MS4A5: variants seen among roughly 807,000 people sequenced by gnomAD.
The protein encoded by MS4A5 is membrane-spanning 4-domains subfamily A member 5.
In MS4A5, 15 loss-of-function variants were observed where a neutral mutation model predicts 18.2. The observed-to-expected ratio is 0.83, with a 90% CI of 0.55 to 1.27. MS4A5 has a LOEUF of 1.27. MS4A5 is among the 50% of genes most tolerant of loss of function. The pLI is 0.00. For synonymous variants in MS4A5, 89 were observed against 78.7 expected, an observed-to-expected ratio of 1.13 and a Z score of -0.69; for missense variants, 232 against 225.7, an observed-to-expected ratio of 1.03 and a Z score of -0.18.
chr11:60,430,665 C>T, intron 1 of MS4A5, 131 bp from the exon 2 acceptor site: 1 of 993,268 alleles, frequency 1.0e-6, no homozygotes, highest in East Asian at 2.5e-5. Flanking sequence ...CATAAAGGGA[C>T]TTCTATTATT....
intron 4 of MS4A5, among the ~76,000 whole-genome samples, chr11:60,437,789 T>C (rs1261721410): frequency 6.6e-6 from 1 of 151,060 alleles, no homozygotes; most frequent in Non-Finnish European, 1.5e-5. Flanking sequence ...CTGAGTGACC[T>C]ACAAAGAGAC....
At position 60,430,842 on chromosome 11, in the gene MS4A5, T is replaced by C. The variant is rs2135169875; in HGVS notation, c.200T>C (p.Ile67Thr). 1.2e-6 allele frequency: 2 copies of C among 1,613,608 alleles called. No homozygotes were observed. The highest frequency in any genetic ancestry group is 2.2e-5 in the East Asian group (1 of 44,844). Residue 67 changes from isoleucine to threonine, a missense_variant, in exon 2 of 5, where the codon ATC (isoleucine) becomes ACC (threonine). Ile to Thr is a moderately conservative substitution (Grantham distance 89). Coordinates refer to ENST00000300190, the MANE Select transcript of MS4A5 (RefSeq NM_023945.3). ...FGIMTFSFGV[I>T]FLFTLLKPYP... ...ATTATGACCTTTTCTTTTGGAGTTA[T>C]CTTCCTTTTCACCTTGTTAAAACCA...
In MS4A5 at chr11:60,447,630, T is replaced by C; in HGVS notation, c.493-19T>C. ...AACATCATGACTCTTCATTTTTTTT[T>C]CTTCTTCTTCTATTACAGGGAATTT... On this transcript the variant is annotated intron_variant, in intron 4 of 4. Transcript: ENST00000300190. 1 of 1,374,508 alleles carries C rather than the reference T, an allele frequency of 7.3e-7. No individual in the cohort carries two copies. Among genetic ancestry groups the C allele is most frequent in the Non-Finnish European group, 1.0e-6 (1 of 994,860 alleles). The allele number at this position is 1,374,508 out of a possible 1,614,324, so 85.1% of individuals were successfully genotyped here.
rs750011939 is a variant in MS4A5 at position 60,429,626 on chromosome 11, C to G, written c.-49C>G. ...GCACAAGAAAAGAACATGGTCTAGACTGAAGTACCAACTAAATCATCTCCT... is the reference window on the plus strand; with the variant it reads ...GCACAAGAAAAGAACATGGTCTAGAGTGAAGTACCAACTAAATCATCTCCT... On this transcript the variant is annotated 5_prime_UTR_variant, in exon 1 of 5. Transcript: ENST00000300190. 2.1e-5 allele frequency: 33 copies of G among 1,566,702 alleles called. No homozygotes were observed. The highest frequency in any genetic ancestry group is 1.7e-4 in the Middle Eastern group (1 of 5,858).
At chr11:60,442,231 T>C (rs2086117010) in intron 4 of MS4A5, among the ~76,000 whole-genome samples, 1 of 152,266 alleles carries the variant, frequency 6.6e-6, no homozygotes, top group South Asian at 2.1e-4. Context: ...ATAACATATT[T>C]TGAAGTACAT....
chr11:60,447,366 T>TATGCA (rs1339443787), intron 4 of MS4A5, among the ~76,000 whole-genome samples: 2 of 134,836 alleles, frequency 1.5e-5, no homozygotes, highest in Non-Finnish European at 3.2e-5. Context: ...TATGCTATGC[T>TATGCA]ATGCAATGCA....
rs766808970 is a variant in MS4A5 at position 60,447,740 on chromosome 11, A to G, written c.584A>G (p.Asp195Gly). Reference protein sequence around the residue: ...SILGCHSEDCDCEQCC With the variant: ...SILGCHSEDCGCEQCC ...TTGGGGTGCCACTCAGAGGATTGTG[A>G]TTGTGAACAATGTTGTTGACTAGCA... is the stretch of plus-strand genomic sequence containing the variant. The change falls in exon 5 of 5, where the codon GAT becomes GGT. Residue 195 changes from aspartate (D) to glycine (G), a missense_variant. Coordinates refer to ENST00000300190, the MANE Select transcript of MS4A5 (RefSeq NM_023945.3). The G allele has an allele frequency of 1.3e-4, 200 of 1,588,548 alleles. No homozygotes were observed. Among genetic ancestry groups the G allele is most frequent in the Non-Finnish European group, 1.5e-4 (175 of 1,165,712 alleles).
chr11:60,442,547 G>A (rs1166023910), intron 4 of MS4A5, among the ~76,000 whole-genome samples: 3 of 152,062 alleles, frequency 2.0e-5, no homozygotes, highest in Admixed American at 6.6e-5. Flanking sequence ...TGCGTGTGGG[G>A]CTTAAAACCT....
intron 4 of MS4A5, among the ~76,000 whole-genome samples, chr11:60,445,448 TG>T (rs2086133754): frequency 6.6e-6 from 1 of 152,052 alleles, no homozygotes; most frequent in Non-Finnish European, 1.5e-5. Flanking sequence ...TTAGTAAAGA[TG>T]GGGTTTCAGC....
At chr11:60,446,197 T>C (rs900298261) in intron 4 of MS4A5, among the ~76,000 whole-genome samples, 2 of 152,142 alleles carry the variant, frequency 1.3e-5, no homozygotes, top group Non-Finnish European at 2.9e-5. Context: ...TTAAAAACCA[T>C]GTGGCTCTAA....
At chr11:60,443,115 T>G (rs2086122505) in intron 4 of MS4A5, among the ~76,000 whole-genome samples, 1 of 152,100 alleles carries the variant, frequency 6.6e-6, no homozygotes, top group African/African-American at 2.4e-5. Context: ...CACTCCAGCC[T>G]GGGCAGCAGA....
chr11:60,438,451 C>CA (rs1298256017), intron 4 of MS4A5, among the ~76,000 whole-genome samples: 23 of 151,680 alleles, frequency 1.5e-4, no homozygotes, highest in Admixed American at 1.5e-3. Context: ...AATAGAGACA[C>CA]AAAAAACTCT....
chr11:60,438,819 A>T (rs995689361), intron 4 of MS4A5, among the ~76,000 whole-genome samples: 6 of 131,808 alleles, frequency 4.6e-5, no homozygotes, highest in Admixed American at 8.0e-5. Context: ...GACCAGATGG[A>T]TTCACAGCCG....
intron 4 of MS4A5, among the ~76,000 whole-genome samples, chr11:60,441,456 T>TAAAAAAAAAAAAAAAAA (rs201729443): frequency 9.5e-6 from 1 of 105,818 alleles, no homozygotes; most frequent in East Asian, 2.7e-4. Context: ...AAAAGGCCAT[T>TAAAAAAAAAAAAAAAAA]AAAAAAAAAA....
At chr11:60,447,410 C>T (rs2086147034) in intron 4 of MS4A5, among the ~76,000 whole-genome samples, 1 of 152,148 alleles carries the variant, frequency 6.6e-6, no homozygotes, top group African/African-American at 2.4e-5. Flanking sequence ...CTGTACTATG[C>T]TATGCTATCC....
chr11:60,430,486 T>G (rs982313451), intron 1 of MS4A5, among the ~76,000 whole-genome samples: 1 of 152,200 alleles, frequency 6.6e-6, no homozygotes, highest in Non-Finnish European at 1.5e-5. Context: ...CAGCCTCACC[T>G]GGAGACCGTT....
At chr11:60,439,939 T>C (rs1458858374) in intron 4 of MS4A5, among the ~76,000 whole-genome samples, 1 of 125,158 alleles carries the variant, frequency 8.0e-6, no homozygotes, top group Admixed American at 9.1e-5. Flanking sequence ...AAAGTTCATA[T>C]GGGACCAAAA....
chr11:60,445,207 G>T lies in MS4A5; in HGVS notation c.493-2442G>T, dbSNP rs186459290. Among the ~76,000 whole-genome samples the T allele has an allele frequency of 1.5e-3, 224 of 152,148 alleles. 1 individual carries two copies. Among genetic ancestry groups the T allele is most frequent in the African/African-American group, 5.1e-3 (211 of 41,524 alleles). ...AAGGGACACAAGAGAACCTACTGGG[G>T]TGATAAAAATGTGATATATCTTGAC... is the stretch of plus-strand genomic sequence containing the variant. On this transcript the variant is annotated intron_variant, in intron 4 of 4. Coordinates refer to ENST00000300190, the MANE Select transcript of MS4A5 (RefSeq NM_023945.3).
rs142833383 is a variant in MS4A5, at chr11:60,445,233, G to A, written c.493-2416G>A. On this transcript the variant is annotated intron_variant, in intron 4 of 4. Coordinates refer to ENST00000300190, the MANE Select transcript of MS4A5 (RefSeq NM_023945.3). ...TGATAAAAATGTGATATATCTTGAC[G>A]TGGAAAGAAAAAGAGATAAAAGACA... 2.3e-3 allele frequency among the ~76,000 whole-genome samples: 349 copies of A among 152,004 alleles called. 2 individuals carry two copies. Among genetic ancestry groups the A allele is most frequent in the African/African-American group, 8.2e-3 (339 of 41,488 alleles).
Sources: allele counts gnomAD v4.1 joint callset (sites outside exome capture counted in the v4.1 genomes callset), GRCh38; gene constraint gnomAD v4.1.1; transcripts MANE v1.5; gene names NCBI Gene and HGNC (gene_info 2026-07-23, HGNC 2026-07-21).